MACROD2: variants seen among roughly 807,000 people sequenced by gnomAD.
MACROD2 encodes the protein ADP-ribose glycohydrolase MACROD2.
MACROD2 carries 36 observed loss-of-function variants against 70.4 expected under a neutral mutation model. The observed-to-expected ratio is 0.51, with a 90% confidence interval of 0.39 to 0.68. The LOEUF (loss-of-function observed/expected upper bound fraction) is 0.68, where lower values mean the gene tolerates loss of function less well. MACROD2 is among the 30% of genes least tolerant of loss of function. The probability of loss-of-function intolerance (pLI) is 0.00; values close to 1 mark genes in which losing one functional copy is unlikely to be tolerated. For missense variants in MACROD2, 496 were observed against 538.4 expected, an observed-to-expected ratio of 0.92 and a Z score of 0.78; for synonymous variants, 172 against 178.8, an observed-to-expected ratio of 0.96 and a Z score of 0.30.
At chr20:14,744,567 C>T (rs752759987) in intron 5 of MACROD2, among the ~76,000 whole-genome samples, 1 of 151,860 alleles carries the variant, frequency 6.6e-6, no homozygotes, top group Non-Finnish European at 1.5e-5. Flanking sequence ...GAGAAAATGG[C>T]GGTCATAGTT....
intron 3 of MACROD2, among the ~76,000 whole-genome samples, chr20:14,254,050 TA>T (rs945318740): frequency 5.9e-5 from 9 of 151,984 alleles, no homozygotes; most frequent in African/African-American, 1.9e-4. Flanking sequence ...AATAGAGCAT[TA>T]AAAAAAGATA....
intron 13 of MACROD2, among the ~76,000 whole-genome samples, chr20:15,983,936 T>C (rs2066438566): frequency 6.6e-6 from 1 of 152,220 alleles, no homozygotes; most frequent in Admixed American, 6.5e-5. Flanking sequence ...GTTTTTAGAC[T>C]AAAGAAAGCT....
chr20:15,782,601 C>T (rs2051851903), intron 8 of MACROD2, among the ~76,000 whole-genome samples: 1 of 150,540 alleles, frequency 6.6e-6, no homozygotes, highest in African/African-American at 2.4e-5. Flanking sequence ...CTGTATGGTC[C>T]CAAAAGCCCT....
chr20:15,173,085 A>C (rs755888663), intron 5 of MACROD2, among the ~76,000 whole-genome samples: 4 of 152,054 alleles, frequency 2.6e-5, no homozygotes, highest in Non-Finnish European at 4.4e-5. Context: ...TCTGTGTGTT[A>C]AACTTTTTTT....
intron 2 of MACROD2, among the ~76,000 whole-genome samples, chr20:14,072,293 T>G (rs1382348260): frequency 6.6e-6 from 1 of 152,146 alleles, no homozygotes; most frequent in Non-Finnish European, 1.5e-5. Flanking sequence ...ATGAAATTGC[T>G]GCATTTTGCC....
At chr20:14,663,993 C>G (rs981095663) in intron 4 of MACROD2, among the ~76,000 whole-genome samples, 3 of 152,014 alleles carry the variant, frequency 2.0e-5, no homozygotes, top group Non-Finnish European at 2.9e-5. Flanking sequence ...TTTTCTAGTT[C>G]TAGAACGTAT....
Position 15,260,396 on chromosome 20 carries a change from T to C in MACROD2, c.540+30335T>C, listed in dbSNP as rs527496044. 5.9e-5 allele frequency among the ~76,000 whole-genome samples: 9 copies of C among 152,026 alleles called. No individual in the cohort carries two copies. In the South Asian group the frequency reaches 1.9e-3, roughly 32 times the overall value. On this transcript the variant is annotated intron_variant, in intron 6 of 17. Transcript: ENST00000684519. Reference sequence around the variant, plus strand: ...AGTGAGACCATGCAATGTTTTTCTTTCTTTGCCTGACTTATTTCACTTAAT... The same window carrying C: ...AGTGAGACCATGCAATGTTTTTCTTCCTTTGCCTGACTTATTTCACTTAAT...
chr20:15,919,451 T>C (rs997229817), intron 10 of MACROD2, among the ~76,000 whole-genome samples: 1 of 152,346 alleles, frequency 6.6e-6, no homozygotes, highest in African/African-American at 2.4e-5. Context: ...CTATTAATAA[T>C]GTGGGCCAGG....
intron 2 of MACROD2, among the ~76,000 whole-genome samples, chr20:14,044,964 C>T (rs1016479010): frequency 2.0e-5 from 3 of 152,220 alleles, no homozygotes; most frequent in Non-Finnish European, 4.4e-5. Flanking sequence ...GGTCCCAAGC[C>T]CTGCCCCACA....
At chr20:15,407,005 C>T (rs1243032871) in intron 6 of MACROD2, among the ~76,000 whole-genome samples, 1 of 152,180 alleles carries the variant, frequency 6.6e-6, no homozygotes, top group Non-Finnish European at 1.5e-5. Flanking sequence ...CAGTGATCAA[C>T]ATAGGTGATT....
rs1403074072 is a variant in MACROD2, at chr20:14,862,687, AT to A, written c.418+177729del. Among the ~76,000 whole-genome samples, 313 of 74,974 alleles carry A rather than the reference AT, an allele frequency of 4.2e-3. 14 individuals carry two copies. Among genetic ancestry groups the A allele is most frequent in the African/African-American group, 0.016 (304 of 18,606 alleles). 49.2% of individuals were successfully genotyped at this position (74,974 alleles called of 152,430 possible). A position where few individuals can be genotyped will look rare whatever the true frequency, so the allele number is the denominator to read the frequency against. On this transcript the variant is annotated intron_variant, in intron 5 of 17. Coordinates refer to ENST00000684519, the MANE Select transcript of MACROD2 (RefSeq NM_001351661.2). Reference sequence around the variant, plus strand: ...TATATAAATATATATAAATATATATATAAATATATATAAATATATATATATA... The same window carrying A: ...TATATAAATATATATAAATATATATAAAATATATATAAATATATATATATA...
At chr20:15,823,889 G>A (rs2063968428) in intron 8 of MACROD2, among the ~76,000 whole-genome samples, 2 of 152,204 alleles carry the variant, frequency 1.3e-5, no homozygotes, top group Admixed American at 1.3e-4. Flanking sequence ...ATGGATGACT[G>A]GCTGTCTTGA....
chr20:15,103,750 T>A (rs559093689), intron 5 of MACROD2, among the ~76,000 whole-genome samples: 108 of 152,196 alleles, frequency 7.1e-4, no homozygotes, highest in South Asian at 2.5e-3. Context: ...GAGACAGCAA[T>A]TGGAGAGTGA....
At chr20:14,590,917 G>T (rs6110344) in intron 4 of MACROD2, among the ~76,000 whole-genome samples, 1 of 151,944 alleles carries the variant, frequency 6.6e-6, no homozygotes, top group South Asian at 2.1e-4. Flanking sequence ...GTCCACATTA[G>T]GTCTCAAAAT....
chr20:15,328,516 A>G (rs569729789), intron 6 of MACROD2, among the ~76,000 whole-genome samples: 1 of 152,280 alleles, frequency 6.6e-6, no homozygotes, highest in Non-Finnish European at 1.5e-5. Context: ...TGGAGTTCTC[A>G]TTAAGACACA....
At chr20:14,392,914 C>A (rs1177292498) in intron 3 of MACROD2, among the ~76,000 whole-genome samples, 1 of 152,060 alleles carries the variant, frequency 6.6e-6, no homozygotes. Flanking sequence ...GAAGCATTTC[C>A]ATAGTTAACC....
intron 5 of MACROD2, among the ~76,000 whole-genome samples, chr20:14,721,254 C>CAAAAAAAAAAA (rs200181158): frequency 1.1e-5 from 1 of 90,284 alleles, no homozygotes. Context: ...GACCCCATCT[C>CAAAAAAAAAAA]AAAAAAAAAA....
At chr20:15,507,179 G>A (rs556110160) in intron 8 of MACROD2, among the ~76,000 whole-genome samples, 2 of 152,092 alleles carry the variant, frequency 1.3e-5, no homozygotes, top group African/African-American at 4.8e-5. Flanking sequence ...CAAGAACACT[G>A]ATGACTTGCT....
chr20:15,221,301 T>C (rs1481839190), intron 5 of MACROD2, among the ~76,000 whole-genome samples: 2 of 152,200 alleles, frequency 1.3e-5, no homozygotes, highest in African/African-American at 2.4e-5. Flanking sequence ...CTCTCACCCC[T>C]GCTATTGAAG....
Sources: allele counts gnomAD v4.1 joint callset (sites outside exome capture counted in the v4.1 genomes callset), GRCh38; gene constraint gnomAD v4.1.1; transcripts MANE v1.5; gene names NCBI Gene and HGNC (gene_info 2026-07-23, HGNC 2026-07-21).